Variants in KCNQ4 observed in about 807,000 individuals in gnomAD.
KCNQ4 encodes the protein potassium voltage-gated channel subfamily Q member 4, also known as potassium voltage-gated channel subfamily KQT member 4.
KCNQ4 carries 31 observed loss-of-function variants against 72.6 expected under a neutral mutation model. That is an observed-to-expected ratio of 0.43 (90% CI 0.32 to 0.58). KCNQ4 has a LOEUF of 0.58. KCNQ4 is among the 20% of genes least tolerant of loss of function. The probability of loss-of-function intolerance (pLI) is 0.08; values close to 1 mark genes in which losing one functional copy is unlikely to be tolerated. For missense variants in KCNQ4, 869 were observed against 962.6 expected (o/e 0.90, Z 1.29); for synonymous variants, 405 against 403.7 (o/e 1.00, Z -0.04).
intron 4 of KCNQ4, 150 bp downstream of exon 4, chr1:40,818,830 G>A (rs925299608): frequency 1.2e-6 from 1 of 853,344 alleles, no homozygotes; most frequent in East Asian, 2.7e-5. Flanking sequence ...AGGAGGCGAG[G>A]TCTAAGCGGG....
At chr1:40,835,208 T>G in intron 12 of KCNQ4, 110 bp downstream of exon 12, 1 of 1,400,874 alleles carries the variant, frequency 7.1e-7, no homozygotes, top group Non-Finnish European at 9.7e-7. Context: ...CTGCTGCAGC[T>G]GAGTTTCTAG....
intron 1 of KCNQ4, among the ~76,000 whole-genome samples, chr1:40,807,429 C>T (rs1647796863): frequency 6.6e-6 from 1 of 152,214 alleles, no homozygotes; most frequent in African/African-American, 2.4e-5. Context: ...GCGGCAGTGG[C>T]GGCGGCCCTG....
chr1:40,808,705 C>A (rs372736681), intron 1 of KCNQ4, among the ~76,000 whole-genome samples: 192 of 152,334 alleles, frequency 1.3e-3, no homozygotes, highest in Non-Finnish European at 6.3e-4. Flanking sequence ...CTCCCTGGCT[C>A]TGGATCCCAG....
intron 1 of KCNQ4, among the ~76,000 whole-genome samples, chr1:40,806,828 TG>T (rs1190313208): frequency 2.6e-5 from 4 of 152,168 alleles, no homozygotes; most frequent in Non-Finnish European, 5.9e-5. Context: ...CTTTCCTCTG[TG>T]GTTCTTAGTT....
rs1648922354 is a variant in KCNQ4, at chr1:40,839,774, C to T, written c.*1251C>T. On this transcript the variant is annotated 3_prime_UTR_variant, in exon 14 of 14. Coordinates refer to ENST00000347132, the MANE Select transcript of KCNQ4 (RefSeq NM_004700.4). Reference sequence around the variant, plus strand: ...CAGGCCTGACACCACTGGAGAGACCCCAGGCCCACTTCTAGCCAGGCCTGT... The same window carrying T: ...CAGGCCTGACACCACTGGAGAGACCTCAGGCCCACTTCTAGCCAGGCCTGT... 1 of 152,296 alleles carries T rather than the reference C, an allele frequency of 6.6e-6. No homozygotes were observed. The highest frequency in any genetic ancestry group is 2.4e-5 in the African/African-American group (1 of 41,428). The allele number at this position is 152,296 out of a possible 1,614,324, so 9.4% of individuals were successfully genotyped here.
At position 40,831,266 on chromosome 1, in the gene KCNQ4, G is replaced by A. The variant is rs775830606; in HGVS notation, c.1475G>A (p.Arg492Gln). The A allele has an allele frequency of 1.6e-5, 25 of 1,606,034 alleles. No individual in the cohort carries two copies. Among genetic ancestry groups the A allele is most frequent in the African/African-American group, 5.3e-5 (4 of 74,838 alleles). ...AGCTTCAATGACCGCACCCGCTTCCGGGCATCTCTGAGACTCAAACCCCGC... is the reference window on the plus strand; with the variant it reads ...AGCTTCAATGACCGCACCCGCTTCCAGGCATCTCTGAGACTCAAACCCCGC... Reference protein sequence around the residue: ...SWSFNDRTRFRASLRLKPRTS... With the variant: ...SWSFNDRTRFQASLRLKPRTS... Residue 492 changes from arginine to glutamine, a missense_variant, in exon 10 of 14, where the codon CGG becomes CAG. Transcript: ENST00000347132.
chr1:40,793,271 A>T (rs918759534), intron 1 of KCNQ4, among the ~76,000 whole-genome samples: 2 of 151,930 alleles, frequency 1.3e-5, no homozygotes, highest in South Asian at 4.2e-4. Flanking sequence ...GGGAGCCACC[A>T]TGGCTGCCTG....
chr1:40,796,654 C>A (rs868841180), intron 1 of KCNQ4, among the ~76,000 whole-genome samples: 1 of 152,164 alleles, frequency 6.6e-6, no homozygotes, highest in South Asian at 2.1e-4. Flanking sequence ...CTGTGGCTCA[C>A]GCCTGTAATC....
In KCNQ4 at chr1:40,807,131, C is replaced by T. The variant is rs139561470; in HGVS notation, c.315-10134C>T. Among the ~76,000 whole-genome samples, 23 of 152,222 alleles carry T rather than the reference C, an allele frequency of 1.5e-4. No homozygotes were observed. The East Asian group carries it at 4.2e-3, about 28-fold the overall frequency. On this transcript the variant is annotated intron_variant, in intron 1 of 13. Transcript: ENST00000347132. ...AAGTTTTTATAACTTGTCAGGCTAA[C>T]GGGAATGCTTTTTTTCTAAGCCATC...
intron 1 of KCNQ4, among the ~76,000 whole-genome samples, chr1:40,799,439 C>CG (rs974536586): frequency 0.011 from 1,621 of 151,696 alleles, 16 homozygotes; most frequent in Non-Finnish European, 0.017. Flanking sequence ...CATGCCCCCC[C>CG]CCTCGCTAGG....
intron 1 of KCNQ4, among the ~76,000 whole-genome samples, chr1:40,791,759 G>A (rs1167187653): frequency 6.6e-6 from 1 of 152,180 alleles, no homozygotes; most frequent in Non-Finnish European, 1.5e-5. Flanking sequence ...GGCCGGGAAG[G>A]TGGGACTGGA....
rs551248683 is a variant in KCNQ4, at chr1:40,785,042, C to T, written c.314+635C>T. Among the ~76,000 whole-genome samples the T allele has an allele frequency of 7.9e-5, 12 of 152,352 alleles. No homozygotes were observed. The South Asian group carries it at 2.3e-3, about 29-fold the overall frequency. ...ACCCTCAACTTCCCAGTGGCAACGGCGGCCGCCCTGCCTGCCCTGCCCTAC... is the reference window on the plus strand; with the variant it reads ...ACCCTCAACTTCCCAGTGGCAACGGTGGCCGCCCTGCCTGCCCTGCCCTAC... On this transcript the variant is annotated intron_variant, in intron 1 of 13. Coordinates refer to ENST00000347132, the MANE Select transcript of KCNQ4 (RefSeq NM_004700.4).
chr1:40,825,065 C>T (rs1203163522), intron 9 of KCNQ4, among the ~76,000 whole-genome samples: 3 of 152,184 alleles, frequency 2.0e-5, no homozygotes, highest in Non-Finnish European at 2.9e-5. Flanking sequence ...AAGGGAAGCC[C>T]GTCCACTCAC....
At chr1:40,795,141 C>A (rs748456525) in intron 1 of KCNQ4, among the ~76,000 whole-genome samples, 1 of 151,986 alleles carries the variant, frequency 6.6e-6, no homozygotes, top group Non-Finnish European at 1.5e-5. Context: ...CTTCCTTATA[C>A]ATAGAATGAC....
chr1:40,801,319 TCTC>T (rs1404607999), intron 1 of KCNQ4, among the ~76,000 whole-genome samples: 2 of 152,022 alleles, frequency 1.3e-5, no homozygotes, highest in East Asian at 1.9e-4. Context: ...TTTGTCTTCT[TCTC>T]CTGCTATTCC....
chr1:40,820,622 C>A (rs1397099279), intron 7 of KCNQ4, among the ~76,000 whole-genome samples: 2 of 152,230 alleles, frequency 1.3e-5, no homozygotes, highest in Admixed American at 6.5e-5. Context: ...TAAGCCTGCC[C>A]CACTTCCAGC....
intron 9 of KCNQ4, among the ~76,000 whole-genome samples, chr1:40,830,164 C>T (rs1270072499): frequency 6.6e-6 from 1 of 152,078 alleles, no homozygotes; most frequent in African/African-American, 2.4e-5. Context: ...CAAGACCACA[C>T]AGGCAGGATG....
chr1:40,836,735 A>AG (rs764994816), intron 12 of KCNQ4, among the ~76,000 whole-genome samples: 78 of 152,294 alleles, frequency 5.1e-4, no homozygotes, highest in Non-Finnish European at 8.5e-4. Context: ...TGCTGGAAGA[A>AG]GGGGTGATCA....
In KCNQ4 at chr1:40,796,871, T is replaced by C. The variant is rs1182124425; in HGVS notation, c.314+12464T>C. The stretch of plus-strand genomic sequence containing the variant: ...AGGTAGAGGTTGCAGTGAGCCGAGA[T>C]CGTGCCACTGCACTCCAGCCTGGAT... On this transcript the variant is annotated intron_variant, in intron 1 of 13. Coordinates refer to ENST00000347132, the MANE Select transcript of KCNQ4 (RefSeq NM_004700.4). Among the ~76,000 whole-genome samples the C allele has an allele frequency of 2.0e-5, 3 of 151,960 alleles. No individual in the cohort carries two copies. In the East Asian group the frequency reaches 5.8e-4, roughly 29 times the overall value.
Sources: allele counts gnomAD v4.1 joint callset (sites outside exome capture counted in the v4.1 genomes callset), GRCh38; gene constraint gnomAD v4.1.1; transcripts MANE v1.5; gene names NCBI Gene and HGNC (gene_info 2026-07-23, HGNC 2026-07-21).